CFAP100: variants seen among roughly 807,000 people sequenced by gnomAD.
CFAP100 encodes the protein cilia and flagella associated protein 100.
A neutral mutation model predicts 81.5 loss-of-function variants in CFAP100; 70 were observed. The ratio of observed to expected loss-of-function variants is 0.86; its 90% CI spans 0.71 to 1.05. CFAP100 has a LOEUF of 1.05. Ranked by LOEUF, CFAP100 falls within the 50% of genes least tolerant of loss-of-function variation. The pLI is 0.00. For missense variants in CFAP100, 811 were observed against 776.5 expected (o/e 1.04, Z -0.53); for synonymous variants, 341 against 314.8 (o/e 1.08, Z -0.88).
intron 3 of CFAP100, among the ~76,000 whole-genome samples, chr3:126,410,267 C>G (rs2083134135): frequency 6.6e-6 from 1 of 152,158 alleles, no homozygotes; most frequent in South Asian, 2.1e-4. Context: ...TTCATTATGG[C>G]TTTTAGTGTC....
intron 7 of CFAP100, 84 bp from the exon 8 acceptor site, chr3:126,418,992 T>C (rs1403935235): frequency 2.0e-6 from 2 of 988,072 alleles, no homozygotes; most frequent in East Asian, 2.6e-5. Flanking sequence ...CCCTGGGGCC[T>C]GTGGGTGGTG....
intron 13 of CFAP100, among the ~76,000 whole-genome samples, chr3:126,428,260 A>C (rs1346260178): frequency 2.6e-5 from 4 of 152,376 alleles, no homozygotes; most frequent in African/African-American, 9.6e-5. Flanking sequence ...CTCAGCCTGG[A>C]AAGGCTATAC....
At chr3:126,411,709 G>A (rs995985583) in intron 3 of CFAP100, among the ~76,000 whole-genome samples, 1 of 152,096 alleles carries the variant, frequency 6.6e-6, no homozygotes, top group Non-Finnish European at 1.5e-5. Flanking sequence ...CATGTTCGTA[G>A]TAGTCTTAAA....
rs114503034 is a variant in CFAP100 at position 126,401,104 on chromosome 3, A to C, written c.49+5055A>C. On this transcript the variant is annotated intron_variant, in intron 2 of 16. Transcript: ENST00000352312. ...AACACAAAAAGACAAATATTGTATG[A>C]TTCCGCTCATATAAGTGAGTGGAGC... Among the ~76,000 whole-genome samples the C allele has an allele frequency of 8.7e-3, 1,317 of 152,094 alleles. 11 individuals are homozygous for C. The highest frequency in any genetic ancestry group is 0.029 in the African/African-American group (1,203 of 41,480).
intron 3 of CFAP100, among the ~76,000 whole-genome samples, chr3:126,410,166 A>C (rs1422547613): frequency 6.6e-6 from 1 of 152,122 alleles, no homozygotes; most frequent in Non-Finnish European, 1.5e-5. Context: ...TTGCTACTGC[A>C]CTCCAGTCTG....
intron 11 of CFAP100, among the ~76,000 whole-genome samples, chr3:126,422,918 G>A (rs2083355002): frequency 6.6e-6 from 1 of 152,148 alleles, no homozygotes; most frequent in East Asian, 1.9e-4. Context: ...TGGCCAGGCA[G>A]GGCAGAGGGG....
chr3:126,422,015 G>A (rs1392502054), intron 11 of CFAP100, among the ~76,000 whole-genome samples: 1 of 152,260 alleles, frequency 6.6e-6, no homozygotes, highest in Non-Finnish European at 1.5e-5. Context: ...TGAGAACAGA[G>A]TCGGGGATCA....
At position 126,416,445 on chromosome 3, in the gene CFAP100, G is replaced by T; in HGVS notation, c.355G>T (p.Ala119Ser). Reference sequence around the variant, plus strand: ...CAAGCAGGAGGACCTGGAGGCGCGCGCCGAGGCCGAGCATCAGCGCGCCTT... The same window carrying T: ...CAAGCAGGAGGACCTGGAGGCGCGCTCCGAGGCCGAGCATCAGCGCGCCTT... ...EDKQEDLEARAEAEHQRAFRD... is the reference protein window; with the variant it reads ...EDKQEDLEARSEAEHQRAFRD... Residue 119 changes from alanine to serine, a missense_variant, in exon 5 of 17, where the codon GCC becomes TCC. Ala to Ser is a moderately conservative substitution (Grantham distance 99). Coordinates refer to ENST00000352312, the MANE Select transcript of CFAP100 (RefSeq NM_182628.3). 1 of 1,610,330 alleles carries T rather than the reference G, an allele frequency of 6.2e-7. No homozygotes were observed. Among genetic ancestry groups the T allele is most frequent in the East Asian group, 2.2e-5 (1 of 44,748 alleles).
chr3:126,420,921 T>C (rs2083321913), intron 11 of CFAP100: 1 of 152,342 alleles, frequency 6.6e-6, no homozygotes, highest in African/African-American at 2.4e-5. Flanking sequence ...GGTTACCTAT[T>C]GGTTCTCTAT....
At chr3:126,415,996 C>T (rs963050402) in intron 4 of CFAP100, among the ~76,000 whole-genome samples, 4 of 152,344 alleles carry the variant, frequency 2.6e-5, no homozygotes, top group South Asian at 2.1e-4. Context: ...TCAAAATATA[C>T]GGCTCTCACT....
At chr3:126,404,205 T>G (rs1005277669) in intron 2 of CFAP100, among the ~76,000 whole-genome samples, 11 of 152,234 alleles carry the variant, frequency 7.2e-5, no homozygotes, top group African/African-American at 2.7e-4. Flanking sequence ...AGTGACCGTT[T>G]CTGGTGTAGG....
rs866521695 is a variant in CFAP100 at position 126,415,370 on chromosome 3, G to T, written c.226-946G>T. On this transcript the variant is annotated intron_variant, in intron 4 of 16. Coordinates refer to ENST00000352312, the MANE Select transcript of CFAP100 (RefSeq NM_182628.3). ...TCCCACTCACAACCTCCCCTACCCG[G>T]CAGGCTCTCCCACTTATACCCTCCC... Among the ~76,000 whole-genome samples, 71 of 135,694 alleles carry T rather than the reference G, an allele frequency of 5.2e-4. 2 individuals carry two copies. Among genetic ancestry groups the T allele is most frequent in the Middle Eastern group, 3.6e-3 (1 of 274 alleles). The allele number at this position is 135,694 out of a possible 152,430, so 89.0% of individuals were successfully genotyped here. A position where few individuals can be genotyped will look rare whatever the true frequency, so the allele number is the denominator to read the frequency against.
intron 2 of CFAP100, among the ~76,000 whole-genome samples, chr3:126,402,217 A>G (rs922675005): frequency 2.6e-5 from 4 of 152,184 alleles, no homozygotes; most frequent in Non-Finnish European, 4.4e-5. Flanking sequence ...GTGGTGAGGG[A>G]TGGGACAAAC....
chr3:126,417,905 C>T (rs1021509002), intron 5 of CFAP100, among the ~76,000 whole-genome samples: 1 of 152,262 alleles, frequency 6.6e-6, no homozygotes, highest in South Asian at 2.1e-4. Flanking sequence ...GGGAAAGGGG[C>T]CCCTATGGCC....
chr3:126,416,559 G>T (rs775985817), intron 5 of CFAP100, 51 bp downstream of exon 5: 1 of 1,428,576 alleles, frequency 7.0e-7, no homozygotes, highest in South Asian at 1.4e-5. Context: ...TCCCACAACC[G>T]CAGCTCAGGG....
intron 7 of CFAP100, 65 bp downstream of exon 7, chr3:126,418,839 C>G: frequency 6.7e-7 from 1 of 1,488,156 alleles, no homozygotes; most frequent in East Asian, 2.5e-5. Flanking sequence ...TGAGCCTGTG[C>G]ACACCCACTT....
At chr3:126,396,766 C>T (rs1033184447) in intron 2 of CFAP100, 10 of 152,238 alleles carry the variant, frequency 6.6e-5, no homozygotes, top group African/African-American at 2.2e-4. Flanking sequence ...CTGGATGAAA[C>T]ATGCCTGCCC....
chr3:126,408,738 C>A (rs2083109083), intron 3 of CFAP100, among the ~76,000 whole-genome samples: 2 of 152,168 alleles, frequency 1.3e-5, no homozygotes. Context: ...GAGCACCTGA[C>A]CCTCCGCACA....
At chr3:126,415,752 C>T (rs551214636) in intron 4 of CFAP100, among the ~76,000 whole-genome samples, 1 of 146,526 alleles carries the variant, frequency 6.8e-6, no homozygotes, top group South Asian at 2.4e-4. Context: ...AAGAGGGACA[C>T]GGGGCGGGGT....
Sources: allele counts gnomAD v4.1 joint callset (sites outside exome capture counted in the v4.1 genomes callset), GRCh38; gene constraint gnomAD v4.1.1; transcripts MANE v1.5; gene names NCBI Gene and HGNC (gene_info 2026-07-23, HGNC 2026-07-21).